KIF16B: variants seen among roughly 807,000 people sequenced by gnomAD.
KIF16B encodes kinesin-like protein KIF16B.
A neutral mutation model predicts 156.3 loss-of-function variants in KIF16B; 98 were observed. The ratio of observed to expected loss-of-function variants is 0.63; its 90% CI spans 0.53 to 0.74. The LOEUF is 0.74. KIF16B is among the 30% of genes least tolerant of loss of function. KIF16B has a pLI of 0.00. For missense variants in KIF16B, 1,421 were observed against 1,606.5 expected (o/e 0.88, Z 1.97); for synonymous variants, 564 against 583.7 (o/e 0.97, Z 0.49).
chr20:16,381,743 C>T lies in KIF16B; in HGVS notation c.1789G>A (p.Glu597Lys), dbSNP rs1272891305. Residue 597 changes from glutamate (E) to lysine (K), a missense_variant, in exon 18 of 26, where the codon GAA (glutamate) becomes AAA (lysine). Physicochemically the swap from Glu to Lys is moderately conservative, Grantham distance 56. Coordinates refer to ENST00000354981, the MANE Select transcript of KIF16B (RefSeq NM_024704.5). ...SAVMLYNPGL[E>K]FERQQREELE... The stretch of plus-strand genomic sequence containing the variant: ...TCTTCACGCTGTTGCCTCTCAAATT[C>T]AAGTCTAATAAAATCAAATGAAAAT... 6.2e-7 allele frequency: 1 copy of T among 1,610,306 alleles called. No individual in the cohort carries two copies. Among genetic ancestry groups the T allele is most frequent in the Non-Finnish European group, 8.5e-7 (1 of 1,177,614 alleles).
intron 1 of KIF16B, among the ~76,000 whole-genome samples, chr20:16,566,521 C>T (rs1286590468): frequency 6.6e-6 from 1 of 152,228 alleles, no homozygotes; most frequent in African/African-American, 2.4e-5. Flanking sequence ...TAATAATATA[C>T]CTGATATTTA....
intron 25 of KIF16B, among the ~76,000 whole-genome samples, chr20:16,297,388 G>A (rs541432874): frequency 2.0e-5 from 3 of 152,280 alleles, no homozygotes; most frequent in East Asian, 1.9e-4. Flanking sequence ...ATATTTCACT[G>A]TCTAAGTTAA....
chr20:16,486,722 C>T (rs1325749824), intron 12 of KIF16B, among the ~76,000 whole-genome samples: 3 of 152,058 alleles, frequency 2.0e-5, no homozygotes, highest in South Asian at 2.1e-4. Flanking sequence ...AATGAGCTCT[C>T]GAGTCAGTAC....
chr20:16,361,061 T>G (rs960235499), intron 22 of KIF16B, among the ~76,000 whole-genome samples: 1 of 152,226 alleles, frequency 6.6e-6, no homozygotes, highest in African/African-American at 2.4e-5. Flanking sequence ...CAGAAGCCCA[T>G]AGCCAAGCTT....
chr20:16,375,517 T>G lies in KIF16B; in HGVS notation c.3198-1108A>C, dbSNP rs2064926624. The stretch of plus-strand genomic sequence containing the variant: ...CACACGAGGCTGTGCCCAGTTTAAC[T>G]CAGCCCTTTCTGGGTTTATTGATTA... On this transcript the variant is annotated intron_variant, in intron 19 of 25. Transcript: ENST00000354981. 1.3e-5 allele frequency among the ~76,000 whole-genome samples: 2 copies of G among 151,998 alleles called. 1 individual carries two copies. The highest frequency in any genetic ancestry group is 4.2e-4 in the South Asian group (2 of 4,812).
chr20:16,403,638 A>T (rs999901715), intron 17 of KIF16B, among the ~76,000 whole-genome samples: 1 of 152,192 alleles, frequency 6.6e-6, no homozygotes. Context: ...GCTGTACTAC[A>T]TGGCTTTTTT....
At chr20:16,277,287 T>C (rs548175033) in intron 25 of KIF16B, among the ~76,000 whole-genome samples, 1 of 152,188 alleles carries the variant, frequency 6.6e-6, no homozygotes, top group South Asian at 2.1e-4. Context: ...GGTCACCGCT[T>C]TGGTCCTTTA....
At chr20:16,280,501 T>C (rs2063128463) in intron 25 of KIF16B, among the ~76,000 whole-genome samples, 1 of 152,186 alleles carries the variant, frequency 6.6e-6, no homozygotes, top group African/African-American at 2.4e-5. Flanking sequence ...GAATATGGAT[T>C]CAGCCTGCAG....
At chr20:16,509,485 A>G (rs968228360) in intron 6 of KIF16B, among the ~76,000 whole-genome samples, 16 of 152,216 alleles carry the variant, frequency 1.1e-4, no homozygotes, top group African/African-American at 3.6e-4. Flanking sequence ...CAGTCTTATC[A>G]GGATTATTTA....
At chr20:16,416,724 T>TA (rs201924264) in intron 15 of KIF16B, among the ~76,000 whole-genome samples, 94 of 142,598 alleles carry the variant, frequency 6.6e-4, no homozygotes, top group Non-Finnish European at 1.0e-3. Context: ...CCCCAGAACT[T>TA]TAAAAAAAAA....
At chr20:16,572,694 T>C (rs755557143) in intron 1 of KIF16B, among the ~76,000 whole-genome samples, 1 of 152,252 alleles carries the variant, frequency 6.6e-6, no homozygotes, top group Non-Finnish European at 1.5e-5. Flanking sequence ...CCCTGACTTT[T>C]TTCTAGGAGT....
At chr20:16,309,793 C>T (rs6105568) in intron 25 of KIF16B, among the ~76,000 whole-genome samples, 1 of 152,106 alleles carries the variant, frequency 6.6e-6, no homozygotes, top group African/African-American at 2.4e-5. Context: ...CAGATGTGTC[C>T]TACTTGAATC....
At chr20:16,471,906 G>T (rs1233115062) in intron 12 of KIF16B, among the ~76,000 whole-genome samples, 1 of 152,186 alleles carries the variant, frequency 6.6e-6, no homozygotes. Flanking sequence ...AAACACCAAA[G>T]ATAATGACAT....
intron 23 of KIF16B, among the ~76,000 whole-genome samples, chr20:16,354,582 G>C (rs1433485629): frequency 2.0e-5 from 3 of 152,128 alleles, no homozygotes; most frequent in African/African-American, 7.2e-5. Context: ...GGGGCAGTGG[G>C]AAGTAGTGGA....
At chr20:16,387,581 CAAG>C (rs1428712016) in intron 17 of KIF16B, among the ~76,000 whole-genome samples, 1 of 152,112 alleles carries the variant, frequency 6.6e-6, no homozygotes, top group African/African-American at 2.4e-5. Flanking sequence ...AACTAGATTG[CAAG>C]ATGAGTTAGT....
chr20:16,509,319 G>A (rs2068885252), intron 6 of KIF16B, among the ~76,000 whole-genome samples: 1 of 152,088 alleles, frequency 6.6e-6, no homozygotes. Context: ...CTTTTCAAAT[G>A]CCTGTGAATG....
rs776286134 is a variant in KIF16B, at chr20:16,379,134, A to C, written c.2868T>G (p.Leu956=). The C allele has an allele frequency of 2.5e-6, 4 of 1,614,184 alleles. No individual in the cohort carries two copies. In the Admixed American group the frequency reaches 6.7e-5, roughly 27 times the overall value. ...GGTTTGCATTGGCCTGGTACTGTGCAAGCTGTTCTTCTTTTTCTTCCATTT... is the reference window on the plus strand; with the variant it reads ...GGTTTGCATTGGCCTGGTACTGTGCCAGCTGTTCTTCTTTTTCTTCCATTT... ...EKEMEEKEEQ[L]AQYQANANQL... Residue 956 remains leucine (L), a synonymous_variant, in exon 19 of 26, where the codon CTT becomes CTG. Transcript: ENST00000354981.
intron 12 of KIF16B, among the ~76,000 whole-genome samples, chr20:16,447,784 G>A (rs144908988): frequency 1.3e-3 from 201 of 152,042 alleles, no homozygotes; most frequent in African/African-American, 4.6e-3. Flanking sequence ...TGGTTATATG[G>A]GCCATACCCT....
intron 25 of KIF16B, among the ~76,000 whole-genome samples, chr20:16,310,666 T>C (rs898933172): frequency 2.6e-5 from 4 of 152,228 alleles, no homozygotes; most frequent in African/African-American, 7.2e-5. Context: ...CTAGTTCTAC[T>C]GTAATTTTTT....
Sources: gnomAD v4.1 joint callset for allele counts (sites outside exome capture counted in the v4.1 genomes callset) on GRCh38, gnomAD v4.1.1 for gene constraint, MANE v1.5 for transcripts, NCBI Gene and HGNC (gene_info 2026-07-23, HGNC 2026-07-21) for gene names.